Variants in SORCS2 observed in about 807,000 individuals in gnomAD.
SORCS2 encodes sortilin related VPS10 domain containing receptor 2, also known as VPS10 domain-containing receptor SorCS2.
Under a neutral mutation model 141.6 loss-of-function variants are expected in SORCS2, and 100 were observed. The observed-to-expected ratio is 0.71, with a 90% CI of 0.60 to 0.83. The LOEUF (loss-of-function observed/expected upper bound fraction) is 0.83, where lower values mean the gene tolerates loss of function less well. SORCS2 is among the 40% of genes least tolerant of loss of function. SORCS2 has a pLI of 0.00. For missense variants in SORCS2, 1,646 were observed against 1,560.2 expected (o/e 1.05, Z -0.93); for synonymous variants, 789 against 676.9 (o/e 1.17, Z -2.57).
chr4:7,250,389 T>C (rs894424040), intron 1 of SORCS2, among the ~76,000 whole-genome samples: 10 of 152,342 alleles, frequency 6.6e-5, no homozygotes, highest in Admixed American at 5.9e-4. Context: ...CGGATCCCCT[T>C]TAACGGGAAA....
At chr4:7,327,741 G>A (rs1008113141) in intron 1 of SORCS2, among the ~76,000 whole-genome samples, 13 of 152,192 alleles carry the variant, frequency 8.5e-5, no homozygotes, top group African/African-American at 2.9e-4. Context: ...CAGCCTCTCT[G>A]TGGCTTCCCC....
intron 2 of SORCS2, among the ~76,000 whole-genome samples, chr4:7,488,907 T>G (rs1390351976): frequency 6.6e-6 from 1 of 152,236 alleles, no homozygotes; most frequent in African/African-American, 2.4e-5. Context: ...AGTCCCCCTG[T>G]GCCATTTGAC....
intron 1 of SORCS2, among the ~76,000 whole-genome samples, chr4:7,283,805 G>T (rs1716035354): frequency 6.6e-6 from 1 of 152,082 alleles, no homozygotes; most frequent in African/African-American, 2.4e-5. Flanking sequence ...CCTGGGGAGA[G>T]AGGAGATGGA....
chr4:7,474,030 A>G (rs7668079), intron 2 of SORCS2, among the ~76,000 whole-genome samples: 145,398 of 152,288 alleles, frequency 0.95, 69,551 homozygotes, highest in East Asian at 0.99. Flanking sequence ...GTGCCTTGGC[A>G]TGTGCTGAGA....
chr4:7,293,131 T>C (rs1233958553), intron 1 of SORCS2, among the ~76,000 whole-genome samples: 8 of 152,116 alleles, frequency 5.3e-5, no homozygotes, highest in African/African-American at 1.7e-4. Context: ...GGTGAAACCC[T>C]GTCTCTACTA....
chr4:7,715,363 G>T (rs1217667774), intron 17 of SORCS2, 52 bp downstream of exon 17: 9 of 1,597,720 alleles, frequency 5.6e-6, no homozygotes, highest in Non-Finnish European at 7.7e-6. Context: ...CAGAGCTGTG[G>T]TGCAGCCCCG....
At chr4:7,199,585 G>A (rs971597160) in intron 1 of SORCS2, among the ~76,000 whole-genome samples, 1 of 151,986 alleles carries the variant, frequency 6.6e-6, no homozygotes, top group South Asian at 2.1e-4. Context: ...TGTTGCTGTG[G>A]TCTGGCCTTC....
intron 1 of SORCS2, among the ~76,000 whole-genome samples, chr4:7,257,564 G>C (rs1713986647): frequency 6.6e-6 from 1 of 152,158 alleles, no homozygotes; most frequent in Non-Finnish European, 1.5e-5. Flanking sequence ...AGGTCTCCCA[G>C]ATGTTCAAAT....
chr4:7,540,657 G>C (rs540049802), intron 3 of SORCS2, among the ~76,000 whole-genome samples: 2 of 152,308 alleles, frequency 1.3e-5, no homozygotes, highest in South Asian at 4.1e-4. Flanking sequence ...AGCATCACCC[G>C]CTCCCCGGCC....
intron 10 of SORCS2, among the ~76,000 whole-genome samples, chr4:7,683,636 T>C (rs1416075872): frequency 6.6e-6 from 1 of 152,238 alleles, no homozygotes; most frequent in East Asian, 1.9e-4. Context: ...AATTGTACTC[T>C]GCCCATGGGA....
intron 3 of SORCS2, among the ~76,000 whole-genome samples, chr4:7,605,088 T>C (rs1717977848): frequency 6.6e-6 from 1 of 152,228 alleles, no homozygotes; most frequent in South Asian, 2.1e-4. Flanking sequence ...AGCATGGGAC[T>C]GGTTTGATGT....
At chr4:7,536,922 G>A (rs374351439) in intron 3 of SORCS2, among the ~76,000 whole-genome samples, 7 of 151,968 alleles carry the variant, frequency 4.6e-5, no homozygotes, top group African/African-American at 1.7e-4. Flanking sequence ...AGGGAAGCTC[G>A]GAGAGTCTTC....
At chr4:7,516,467 G>C (rs555303959) in intron 2 of SORCS2, among the ~76,000 whole-genome samples, 12 of 152,240 alleles carry the variant, frequency 7.9e-5, no homozygotes, top group African/African-American at 2.6e-4. Flanking sequence ...GGGAGGAGAG[G>C]CACCTAGAGT....
chr4:7,482,963 G>A (rs1388094755), intron 2 of SORCS2, among the ~76,000 whole-genome samples: 1 of 152,214 alleles, frequency 6.6e-6, no homozygotes, highest in Non-Finnish European at 1.5e-5. Flanking sequence ...CTTTGTGGAT[G>A]GAATTAAGGG....
intron 1 of SORCS2, among the ~76,000 whole-genome samples, chr4:7,378,430 C>T (rs528396222): frequency 5.5e-4 from 84 of 152,214 alleles, no homozygotes; most frequent in South Asian, 2.3e-3. Flanking sequence ...AACTTATAAT[C>T]ATGGTGGAAG....
chr4:7,583,292 G>A (rs1202903719), intron 3 of SORCS2, among the ~76,000 whole-genome samples: 1 of 152,098 alleles, frequency 6.6e-6, no homozygotes, highest in East Asian at 1.9e-4. Context: ...TTCGAGAGAG[G>A]GAAGATGTCA....
Position 7,363,297 on chromosome 4 carries a change from A to T in SORCS2, c.481-32991A>T, listed in dbSNP as rs566886447. On this transcript the variant is annotated intron_variant, in intron 1 of 26. Transcript: ENST00000507866. ...CATGATCATTATCATCATTACCACC[A>T]CTACCTTCACTGCCATCATTACTAC... is the stretch of plus-strand genomic sequence containing the variant. 2.4e-4 allele frequency among the ~76,000 whole-genome samples: 36 copies of T among 151,864 alleles called. 1 individual carries two copies. The Middle Eastern group carries it at 0.014, about 58-fold the overall frequency.
intron 2 of SORCS2, among the ~76,000 whole-genome samples, chr4:7,402,703 G>T (rs187059754): frequency 7.2e-4 from 110 of 152,264 alleles, no homozygotes; most frequent in African/African-American, 2.6e-3. Flanking sequence ...TATCTGTGAG[G>T]TGACTCACTG....
At chr4:7,700,537 C>A (rs1724995964) in intron 12 of SORCS2, among the ~76,000 whole-genome samples, 1 of 152,222 alleles carries the variant, frequency 6.6e-6, no homozygotes, top group Non-Finnish European at 1.5e-5. Flanking sequence ...TCTTCATAGT[C>A]CCCTAAAATC....
Sources: gnomAD v4.1 joint callset for allele counts (sites outside exome capture counted in the v4.1 genomes callset) on GRCh38, gnomAD v4.1.1 for gene constraint, MANE v1.5 for transcripts, NCBI Gene and HGNC (gene_info 2026-07-23, HGNC 2026-07-21) for gene names.